ATP2B2: variants seen among roughly 807,000 people sequenced by gnomAD.
ATP2B2 encodes the protein plasma membrane calcium-transporting ATPase 2.
A neutral mutation model predicts 120.0 loss-of-function variants in ATP2B2; 15 were observed. The observed-to-expected ratio is 0.12, with a 90% CI of 0.08 to 0.19. The LOEUF is 0.19. ATP2B2 is among the 10% of genes least tolerant of loss of function. The pLI is 1.00. For synonymous variants in ATP2B2, 694 were observed against 700.3 expected (o/e 0.99, Z 0.14); for missense variants, 1,045 against 1,719.8 (o/e 0.61, Z 6.94).
intron 1 of ATP2B2, among the ~76,000 whole-genome samples, chr3:10,478,888 G>T (rs2065298941): frequency 6.6e-6 from 1 of 152,118 alleles, no homozygotes; most frequent in Admixed American, 6.5e-5. Context: ...GATCATGGGG[G>T]TGGTTTTCTC....
At chr3:10,362,211 C>T (rs1456271197) in intron 12 of ATP2B2, among the ~76,000 whole-genome samples, 1 of 152,226 alleles carries the variant, frequency 6.6e-6, no homozygotes, top group Non-Finnish European at 1.5e-5. Flanking sequence ...GCATCCTCGT[C>T]CTCAGTCTCC....
intron 2 of ATP2B2, among the ~76,000 whole-genome samples, chr3:10,573,969 C>T (rs1192657610): frequency 6.6e-6 from 1 of 152,194 alleles, no homozygotes; most frequent in African/African-American, 2.4e-5. Flanking sequence ...AGCAGCCAGA[C>T]TCTGCCTGTC....
chr3:10,405,718 C>T (rs1472527587), intron 3 of ATP2B2, among the ~76,000 whole-genome samples: 3 of 152,102 alleles, frequency 2.0e-5, no homozygotes, highest in Admixed American at 6.5e-5. Context: ...TTGGGGAATC[C>T]GCTTGGCCTC....
chr3:10,674,875 T>G (rs1559515580), intron 1 of ATP2B2, among the ~76,000 whole-genome samples: 1 of 152,246 alleles, frequency 6.6e-6, no homozygotes, highest in African/African-American at 2.4e-5. Context: ...ACAGCCCATA[T>G]TCAAATTCCC....
rs948338515 is a variant in ATP2B2 at position 10,346,343 on chromosome 3, G to A, written c.2405-206C>T. ...GTGGGCTCCTTACTGGGCTGGTGCC[G>A]ACTTGGGGCCCCCTGTGGCCCGGGC... is the stretch of plus-strand genomic sequence containing the variant. On this transcript the variant is annotated intron_variant, in intron 16 of 22. Coordinates refer to ENST00000360273, the MANE Select transcript of ATP2B2 (RefSeq NM_001001331.4). The surrounding 1 kb of genome is among the most constrained non-coding windows in gnomAD (Gnocchi z 4.1). 2.6e-5 allele frequency among the ~76,000 whole-genome samples: 4 copies of A among 152,238 alleles called. No individual in the cohort carries two copies. The highest frequency in any genetic ancestry group is 5.9e-5 in the Non-Finnish European group (4 of 68,042).
chr3:10,402,262 T>C lies in ATP2B2; in HGVS notation c.484A>G (p.Ile162Val). The change falls in exon 4 of 23, where the codon ATC becomes GTC. Residue 162 changes from isoleucine (I) to valine (V), a missense_variant. Ile to Val is a conservative substitution (Grantham distance 29). Coordinates refer to ENST00000360273, the MANE Select transcript of ATP2B2 (RefSeq NM_001001331.4). This position sits in a 1 kb window ranked among gnomAD's most constrained non-coding sequence, Gnocchi z 4.9. ...AAGGCCGTGACCAGGACCACACAGA[T>C]AACTGAGAGGAGAATGGCGGCCCCC... ...IEGAAILLSVICVVLVTAFND... is the reference protein window; with the variant it reads ...IEGAAILLSVVCVVLVTAFND... 2 of 1,614,116 alleles carry C rather than the reference T, an allele frequency of 1.2e-6. No individual in the cohort carries two copies. The highest frequency in any genetic ancestry group is 1.7e-6 in the Non-Finnish European group (2 of 1,180,022).
intron 2 of ATP2B2, among the ~76,000 whole-genome samples, chr3:10,441,672 A>G (rs1216534881): frequency 6.6e-6 from 1 of 152,212 alleles, no homozygotes. Flanking sequence ...AGCATATGGG[A>G]GAGATCTGGG....
intron 1 of ATP2B2, among the ~76,000 whole-genome samples, chr3:10,662,299 C>A (rs1379297416): frequency 6.6e-5 from 10 of 151,856 alleles, no homozygotes; most frequent in African/African-American, 2.4e-4. Flanking sequence ...TCAGAGTGAA[C>A]AGGGAACCTA....
intron 2 of ATP2B2, among the ~76,000 whole-genome samples, chr3:10,584,017 C>T (rs1204226493): frequency 1.3e-5 from 2 of 152,176 alleles, no homozygotes; most frequent in Non-Finnish European, 2.9e-5. Flanking sequence ...CTAGGAACAT[C>T]GTGGCAAGCA....
intron 3 of ATP2B2, among the ~76,000 whole-genome samples, chr3:10,521,747 G>A (rs1451586547): frequency 6.6e-6 from 1 of 152,236 alleles, no homozygotes; most frequent in Admixed American, 6.5e-5. Context: ...TGAGTGGAGA[G>A]CCAGAGGTGG....
chr3:10,649,937 C>T (rs1010702761), intron 1 of ATP2B2, among the ~76,000 whole-genome samples: 2 of 152,184 alleles, frequency 1.3e-5, no homozygotes, highest in African/African-American at 2.4e-5. Context: ...AGTGTAAGTC[C>T]AATGGACGTC....
chr3:10,394,407 C>T, intron 5 of ATP2B2: 1 of 469,816 alleles, frequency 2.1e-6, no homozygotes, highest in East Asian at 7.0e-5. Context: ...TCCCCAGCCC[C>T]TCCACCCACC....
intron 2 of ATP2B2, among the ~76,000 whole-genome samples, chr3:10,581,057 T>C (rs762601673): frequency 2.6e-5 from 4 of 152,196 alleles, no homozygotes; most frequent in Non-Finnish European, 5.9e-5. Context: ...CTACAGGAGC[T>C]TGGGGACTAC....
intron 12 of ATP2B2, among the ~76,000 whole-genome samples, chr3:10,365,840 A>AG (rs2061036720): frequency 2.7e-3 from 1 of 376 alleles, no homozygotes; most frequent in Non-Finnish European, 9.8e-3. Context: ...TATGTGCATG[A>AG]TGGGTGGTGT....
chr3:10,500,930 A>T (rs2066358792), intron 1 of ATP2B2, among the ~76,000 whole-genome samples: 1 of 152,204 alleles, frequency 6.6e-6, no homozygotes, highest in African/African-American at 2.4e-5. Flanking sequence ...CACCAAGGAC[A>T]CTGGGGGGCA....
chr3:10,517,169 C>T (rs1019530217), intron 3 of ATP2B2, among the ~76,000 whole-genome samples: 2 of 152,240 alleles, frequency 1.3e-5, no homozygotes, highest in African/African-American at 4.8e-5. Flanking sequence ...ACTCTCCTGC[C>T]AGCTCGGTGC....
At position 10,527,374 on chromosome 3, in the gene ATP2B2, G is replaced by T. The variant is rs148307687; in HGVS notation, c.-320+6665C>A. Among the ~76,000 whole-genome samples the T allele has an allele frequency of 1.7e-3, 258 of 152,328 alleles. 1 individual carries two copies. The highest frequency in any genetic ancestry group is 6.0e-3 in the African/African-American group (249 of 41,574). ...GGAAACTGAGGCACAGAGAGATGGA[G>T]GTAAATGTCCAAATGGACACCTGGG... On this transcript the variant is annotated intron_variant, in intron 3 of 21. Transcript: ENST00000646379.
chr3:10,435,714 T>G (rs1036534258), intron 2 of ATP2B2, among the ~76,000 whole-genome samples: 5 of 152,058 alleles, frequency 3.3e-5, no homozygotes, highest in Admixed American at 6.6e-5. Flanking sequence ...GGTTGGGAAG[T>G]GAGGAGGTAG....
chr3:10,328,729 G>T lies in ATP2B2; in HGVS notation c.*85C>A. 3 of 1,399,224 alleles carry T rather than the reference G, an allele frequency of 2.1e-6. No individual in the cohort carries two copies. Among genetic ancestry groups the T allele is most frequent in the South Asian group, 1.4e-5 (1 of 71,980 alleles). The allele number at this position is 1,399,224 out of a possible 1,614,324, so 86.7% of individuals were successfully genotyped here. Reference sequence around the variant, plus strand: ...TTGTTGCTCGTTGCTGCTTGGGTGAGTTGGGTGCCTGGATGGATGGGTGCC... The same window carrying T: ...TTGTTGCTCGTTGCTGCTTGGGTGATTTGGGTGCCTGGATGGATGGGTGCC... On this transcript the variant is annotated 3_prime_UTR_variant, in exon 23 of 23. Transcript: ENST00000360273.
Sources: gnomAD v4.1 joint callset for allele counts (sites outside exome capture counted in the v4.1 genomes callset) on GRCh38, gnomAD v4.1.1 for gene constraint, Gnocchi (gnomAD v3.1) non-coding constraint, MANE v1.5 for transcripts, NCBI Gene and HGNC (gene_info 2026-07-23, HGNC 2026-07-21) for gene names.